The following AOPEP variants were observed in gnomAD, a reference collection of about 807,000 sequenced individuals.
AOPEP encodes aminopeptidase O.
In AOPEP, 77 loss-of-function variants were observed where a neutral mutation model predicts 98.1. The ratio of observed to expected loss-of-function variants is 0.78; its 90% CI spans 0.65 to 0.95. The LOEUF (loss-of-function observed/expected upper bound fraction) is 0.95. AOPEP is among the 40% of genes least tolerant of loss of function. AOPEP has a pLI of 0.00. For synonymous variants in AOPEP, 346 were observed against 365.3 expected (o/e 0.95, Z 0.60); for missense variants, 1,024 against 1,024.7 (o/e 1.00, Z 0.01).
chr9:94,768,639 G>T (rs1840177205), intron 2 of AOPEP, among the ~76,000 whole-genome samples: 1 of 152,170 alleles, frequency 6.6e-6, no homozygotes, highest in South Asian at 2.1e-4. Flanking sequence ...TTCTTTAATG[G>T]CAGCAAGCCG....
At chr9:94,919,882 A>G (rs2053355289) in intron 5 of AOPEP, among the ~76,000 whole-genome samples, 1 of 152,240 alleles carries the variant, frequency 6.6e-6, no homozygotes, top group Non-Finnish European at 1.5e-5. Flanking sequence ...CTTTGTCTCT[A>G]TCATGGGATA....
At chr9:95,103,051 G>A in the AOPEP span, among the ~76,000 whole-genome samples, 33 of 152,230 alleles carry the variant, frequency 2.2e-4, no homozygotes, top group African/African-American at 6.7e-4. Context: ...GATGGCCTTC[G>A]GTAGATGCAG....
At chr9:95,138,241 G>A in the AOPEP span, among the ~76,000 whole-genome samples, 8 of 152,342 alleles carry the variant, frequency 5.3e-5, no homozygotes, top group African/African-American at 1.7e-4. Flanking sequence ...ACAGGACCAC[G>A]TTGGCTCTGA....
chr9:94,893,349 T>C (rs145576386), intron 5 of AOPEP, among the ~76,000 whole-genome samples: 1 of 152,192 alleles, frequency 6.6e-6, no homozygotes, highest in Non-Finnish European at 1.5e-5. Context: ...TTGGATGGCA[T>C]GCAGAATGAG....
chr9:95,058,310 T>C (rs1419652703), intron 13 of AOPEP, among the ~76,000 whole-genome samples: 1 of 152,240 alleles, frequency 6.6e-6, no homozygotes, highest in Non-Finnish European at 1.5e-5. Flanking sequence ...AAATCCCAAA[T>C]GAGAGTTCTA....
intron 11 of AOPEP, among the ~76,000 whole-genome samples, chr9:95,002,721 C>T (rs949741479): frequency 1.3e-5 from 2 of 152,146 alleles, no homozygotes; most frequent in East Asian, 1.9e-4. Flanking sequence ...TCTGCAAAAG[C>T]GCTGCTTAAA....
At chr9:95,088,506 G>GT (rs1224221966), downstream of AOPEP, among the ~76,000 whole-genome samples, 1 of 92,894 alleles carries the variant, frequency 1.1e-5, no homozygotes, top group Non-Finnish European at 2.5e-5. Context: ...ACTGTACCCG[G>GT]CCTCTCTCTC....
At chr9:94,837,781 A>G (rs10733755) in intron 5 of AOPEP, among the ~76,000 whole-genome samples, 118,857 of 152,132 alleles carry the variant, frequency 0.78, 47,913 homozygotes, top group Non-Finnish European at 0.89. Context: ...AAAGCCATCT[A>G]TGACAAACCC....
At chr9:94,740,525 C>G (rs917001402) in intron 1 of AOPEP, among the ~76,000 whole-genome samples, 21 of 152,140 alleles carry the variant, frequency 1.4e-4, no homozygotes, top group African/African-American at 5.1e-4. Flanking sequence ...ACAAGTGATT[C>G]TTTTGGGAGC....
intron 13 of AOPEP, among the ~76,000 whole-genome samples, chr9:95,010,005 A>G (rs769509436): frequency 1.1e-4 from 17 of 152,024 alleles, no homozygotes; most frequent in Non-Finnish European, 2.1e-4. Flanking sequence ...CTCTACTTCT[A>G]TTTCATTTGT....
chr9:94,822,001 A>ACG (rs1853300782), intron 5 of AOPEP, among the ~76,000 whole-genome samples: 1 of 148,666 alleles, frequency 6.7e-6, no homozygotes, highest in Non-Finnish European at 1.5e-5. Flanking sequence ...ACACACACAC[A>ACG]CACACACACA....
chr9:94,963,810 C>A (rs187315494), intron 9 of AOPEP, among the ~76,000 whole-genome samples: 1 of 151,954 alleles, frequency 6.6e-6, no homozygotes, highest in African/African-American at 2.4e-5. Flanking sequence ...AGAAGACAGA[C>A]GAAAGAATTG....
chr9:94,862,978 A>G (rs760221302), intron 5 of AOPEP, among the ~76,000 whole-genome samples: 10 of 152,206 alleles, frequency 6.6e-5, no homozygotes, highest in Non-Finnish European at 1.3e-4. Context: ...AAAAAGACAC[A>G]CATAAAGTCT....
chr9:94,753,548 A>T (rs932140472), intron 1 of AOPEP, among the ~76,000 whole-genome samples: 1 of 152,228 alleles, frequency 6.6e-6, no homozygotes, highest in Non-Finnish European at 1.5e-5. Context: ...AAGCAGAAAA[A>T]TAAAGCTAAG....
At chr9:94,932,010 C>T (rs557256200) in intron 7 of AOPEP, 3 of 1,197,988 alleles carry the variant, frequency 2.5e-6, no homozygotes, top group South Asian at 3.0e-5. Context: ...GACTGAATAA[C>T]GTGTCTAACC....
the AOPEP span, among the ~76,000 whole-genome samples, chr9:95,112,278 G>A: frequency 6.6e-6 from 1 of 152,234 alleles, no homozygotes; most frequent in South Asian, 2.1e-4. Context: ...CCTTGGAGAG[G>A]ATGGAACAGA....
intron 5 of AOPEP, among the ~76,000 whole-genome samples, chr9:94,880,421 C>T (rs1247885190): frequency 6.9e-6 from 1 of 145,962 alleles, no homozygotes; most frequent in Non-Finnish European, 1.5e-5. Flanking sequence ...GGCTGGAGTG[C>T]CATGGCGTGA....
chr9:95,077,493 G>T (rs2069202059), intron 14 of AOPEP, among the ~76,000 whole-genome samples: 1 of 152,176 alleles, frequency 6.6e-6, no homozygotes. Flanking sequence ...CGCTGTCCCT[G>T]TTTATTTTTA....
the AOPEP span, among the ~76,000 whole-genome samples, chr9:95,128,838 G>T: frequency 3.9e-5 from 6 of 152,052 alleles, no homozygotes; most frequent in East Asian, 1.2e-3. Flanking sequence ...TTTAAAACAG[G>T]TAAGAGGCCA....
Sources: gnomAD v4.1 joint callset for allele counts (sites outside exome capture counted in the v4.1 genomes callset) on GRCh38, gnomAD v4.1.1 for gene constraint, MANE v1.5 for transcripts, NCBI Gene and HGNC (gene_info 2026-07-23, HGNC 2026-07-21) for gene names.